Variants in CELSR2 observed in about 807,000 individuals in gnomAD.
The protein encoded by CELSR2 is cadherin EGF LAG seven-pass G-type receptor 2.
Under a neutral mutation model 251.6 loss-of-function variants are expected in CELSR2, and 81 were observed. The observed-to-expected ratio is 0.32, with a 90% CI of 0.27 to 0.39. The LOEUF is 0.39. Ranked by LOEUF, CELSR2 falls within the 10% of genes least tolerant of loss-of-function variation. CELSR2 has a pLI of 1.00. For missense variants in CELSR2, 3,365 were observed against 3,947.7 expected, an observed-to-expected ratio of 0.85 and a Z score of 3.96; for synonymous variants, 1,721 against 1,670.5, an observed-to-expected ratio of 1.03 and a Z score of -0.74.
rs1433176530 is a variant in CELSR2, at chr1:109,249,862, G to A, written c.-218G>A. On this transcript the variant is annotated 5_prime_UTR_variant, in exon 1 of 34. Transcript: ENST00000271332. ...AGCCCGCGGTGCTCAGGGTGACCCG[G>A]GAGCGGGTCTGGCTCAGGGGGCAGT... Among the ~76,000 whole-genome samples the A allele has an allele frequency of 1.3e-5, 2 of 150,204 alleles. No individual in the cohort carries two copies. Among genetic ancestry groups the A allele is most frequent in the African/African-American group, 4.8e-5 (2 of 41,260 alleles).
chr1:109,272,258 C>A lies in CELSR2; in HGVS notation c.7927-20C>A. ...AGCCATCCCACTCCCCACTTACTGA[C>A]CTCTCTGTTCCCTGCCTAGTCCTAC... On this transcript the variant is annotated intron_variant, in intron 28 of 33. Coordinates refer to ENST00000271332, the MANE Select transcript of CELSR2 (RefSeq NM_001408.3). The A allele has an allele frequency of 3.9e-6, 6 of 1,551,226 alleles. No homozygotes were observed. Among genetic ancestry groups the A allele is most frequent in the Non-Finnish European group, 5.2e-6 (6 of 1,145,602 alleles).
At chr1:109,262,518 G>A in intron 6 of CELSR2, 74 bp downstream of exon 6, 2 of 1,557,208 alleles carry the variant, frequency 1.3e-6, no homozygotes, top group Admixed American at 1.8e-5. Context: ...TGGAGAGGGT[G>A]GGCTTTTGGG....
rs766451337 is a variant in CELSR2 at position 109,262,860 on chromosome 1, G to A, written c.4599G>A (p.Glu1533=). 1 of 1,613,678 alleles carries A rather than the reference G, an allele frequency of 6.2e-7. No homozygotes were observed. Among genetic ancestry groups the A allele is most frequent in the African/African-American group, 1.3e-5 (1 of 74,956 alleles). ...LLLGGVPDLP[E]SFPVRMRQFV... ...TAGGCGGGGTGCCTGACCTGCCCGA[G>A]AGCTTCCCAGTCCGAATGCGGCAGT... The change falls in exon 7 of 34, where the codon GAG becomes GAA. Residue 1533 remains glutamate (E), a synonymous_variant. Coordinates refer to ENST00000271332, the MANE Select transcript of CELSR2 (RefSeq NM_001408.3).
At chr1:109,271,761 G>A (rs1398792621) in intron 28 of CELSR2, 39 bp downstream of exon 28, 1 of 1,606,224 alleles carries the variant, frequency 6.2e-7, no homozygotes, top group Non-Finnish European at 8.5e-7. Flanking sequence ...GGTGAAGGGA[G>A]GGAGAGGCAG....
chr1:109,266,293 C>G, intron 15 of CELSR2, 87 bp downstream of exon 15: 1 of 1,504,366 alleles, frequency 6.6e-7, no homozygotes, highest in South Asian at 1.2e-5. Flanking sequence ...GCTGAAGATC[C>G]GGGGACCCCA....
At chr1:109,270,336 C>G (rs1422507605) in intron 23 of CELSR2, 90 bp from the exon 24 acceptor site, 34 of 1,463,484 alleles carry the variant, frequency 2.3e-5, no homozygotes, top group African/African-American at 4.2e-5. Flanking sequence ...CAGTTCCCAA[C>G]ACCCAGGCCC....
Position 109,258,984 on chromosome 1 carries a change from A to C in CELSR2, c.3863A>C (p.Glu1288Ala). ...TTCACGGGTGACTACTGCGAGACCGAGGTGGACCTCTGCTACTCGCGGCCC... is the reference window on the plus strand; with the variant it reads ...TTCACGGGTGACTACTGCGAGACCGCGGTGGACCTCTGCTACTCGCGGCCC... ...PGFTGDYCET[E>A]VDLCYSRPCG... The change falls in exon 2 of 34, where the codon GAG becomes GCG. Residue 1288 changes from glutamate to alanine, a missense_variant. Coordinates refer to ENST00000271332, the MANE Select transcript of CELSR2 (RefSeq NM_001408.3). 6.2e-7 allele frequency: 1 copy of C among 1,609,002 alleles called. No homozygotes were observed. Among genetic ancestry groups the C allele is most frequent in the Non-Finnish European group, 8.5e-7 (1 of 1,179,472 alleles).
At position 109,269,089 on chromosome 1, in the gene CELSR2, T is replaced by C. The variant is rs1435732778; in HGVS notation, c.6632-21T>C. On this transcript the variant is annotated intron_variant, in intron 19 of 33. Coordinates refer to ENST00000271332, the MANE Select transcript of CELSR2 (RefSeq NM_001408.3). The surrounding 1 kb of genome is among the most constrained non-coding windows in gnomAD (Gnocchi z 6.4). ...CCACAGAGAGCAGGGCCCAGCTAAG[T>C]GTGACAGTGTCCCCTCCCAGAGACG... is the stretch of plus-strand genomic sequence containing the variant. 6.3e-7 allele frequency: 1 copy of C among 1,598,048 alleles called. No individual in the cohort carries two copies. The highest frequency in any genetic ancestry group is 1.3e-5 in the African/African-American group (1 of 74,484).
Position 109,261,808 on chromosome 1 carries a change from G to A in CELSR2, c.4298G>A (p.Gly1433Glu). ...QEQVQLTFSA[G>E]ESTTTVSPFV... ...CCAGCTCACCTGGTCCTTTCCCCAG[G>A]GGAGTCAACCACCACGGTGTCCCCA... The change falls in exon 5 of 34, where the codon GGG becomes GAG. Residue 1433 changes from glycine (G) to glutamate (E), a missense_variant and splice_region_variant. Physicochemically the swap from Gly to Glu is moderately conservative, Grantham distance 98. Coordinates refer to ENST00000271332, the MANE Select transcript of CELSR2 (RefSeq NM_001408.3). The surrounding 1 kb of genome is among the most constrained non-coding windows in gnomAD (Gnocchi z 4.8). The A allele has an allele frequency of 6.3e-7, 1 of 1,590,038 alleles. No individual in the cohort carries two copies. Among genetic ancestry groups the A allele is most frequent in the Non-Finnish European group, 8.6e-7 (1 of 1,166,674 alleles).
rs1177282734 is a variant in CELSR2 at position 109,272,745 on chromosome 1, C to G, written c.8143+17C>G. Reference sequence around the variant, plus strand: ...AGCAGCATGGTGAGGACAGAACGCTCTGGCCACCCAGCAGGGCAGTTGGCT... The same window carrying G: ...AGCAGCATGGTGAGGACAGAACGCTGTGGCCACCCAGCAGGGCAGTTGGCT... On this transcript the variant is annotated intron_variant, in intron 30 of 33. Transcript: ENST00000271332. The G allele has an allele frequency of 6.2e-7, 1 of 1,613,736 alleles. No homozygotes were observed.
At position 109,253,131 on chromosome 1, in the gene CELSR2, G is replaced by A; in HGVS notation, c.3052G>A (p.Asp1018Asn). ...CCACGTCCGCCTCCTTGACCGCAAT[G>A]ACAACCCACCAGTGCTGGGCAACTT... ...TVHVRLLDRN[D>N]NPPVLGNFEI... The change falls in exon 1 of 34, where the codon GAC (aspartate) becomes AAC (asparagine). Residue 1018 changes from aspartate to asparagine, a missense_variant. Physicochemically the swap from Asp to Asn is conservative, Grantham distance 23. This residue lies in a region of CELSR2 where 505 missense variants were observed against 660.0 expected (regional missense o/e 0.77). Coordinates refer to ENST00000271332, the MANE Select transcript of CELSR2 (RefSeq NM_001408.3). 1 of 1,613,814 alleles carries A rather than the reference G, an allele frequency of 6.2e-7. No homozygotes were observed. Among genetic ancestry groups the A allele is most frequent in the Non-Finnish European group, 8.5e-7 (1 of 1,180,044 alleles).
chr1:109,262,951 A>C lies in CELSR2; in HGVS notation c.4690A>C (p.Asn1564His), dbSNP rs762773328. ...RHIDMADFIA[N>H]NGTVPGCPAK... The stretch of plus-strand genomic sequence containing the variant: ...CATAGACATGGCTGACTTCATTGCC[A>C]ACAATGGCACCGTGCCTGGTATGGG... Residue 1564 changes from asparagine (N) to histidine (H), a missense_variant, in exon 7 of 34, where the codon AAC becomes CAC. Physicochemically the swap from Asn to His is moderately conservative, Grantham distance 68. This residue lies in a region of CELSR2 where 2,093 missense variants were observed against 2,382.8 expected (regional missense o/e 0.88). Transcript: ENST00000271332. 8 of 1,613,560 alleles carry C rather than the reference A, an allele frequency of 5.0e-6. No individual in the cohort carries two copies. The South Asian group carries it at 8.8e-5, about 18-fold the overall frequency.
chr1:109,263,148 C>A lies in CELSR2; in HGVS notation c.4715C>A (p.Pro1572His). 1 of 1,597,264 alleles carries A rather than the reference C, an allele frequency of 6.3e-7. No homozygotes were observed. The highest frequency in any genetic ancestry group is 1.1e-5 in the South Asian group (1 of 90,622). The change falls in exon 8 of 34, where the codon CCT (proline) becomes CAT (histidine). Residue 1572 changes from proline to histidine, a missense_variant. By Grantham distance (77) the Pro-to-His change is moderately conservative. This residue lies in a region of CELSR2 where 2,093 missense variants were observed against 2,382.8 expected (regional missense o/e 0.88). Transcript: ENST00000271332. Reference sequence around the variant, plus strand: ...TGCCTTCTCTCCATTCCAGGCTGCCCTGCCAAGAAGAACGTGTGTGACAGC... The same window carrying A: ...TGCCTTCTCTCCATTCCAGGCTGCCATGCCAAGAAGAACGTGTGTGACAGC... ...IANNGTVPGCPAKKNVCDSNT... is the reference protein window; with the variant it reads ...IANNGTVPGCHAKKNVCDSNT...
Position 109,251,012 on chromosome 1 carries a change from C to G in CELSR2, c.933C>G (p.Val311=). The G allele has an allele frequency of 6.2e-7, 1 of 1,613,482 alleles. No individual in the cohort carries two copies. Among genetic ancestry groups the G allele is most frequent in the South Asian group, 1.1e-5 (1 of 91,074 alleles). ...AGGTTGGCTATGAGGTGCTCACTGT[C>G]AGGGCCACGGATGGTGATGCCCCTC... is the stretch of plus-strand genomic sequence containing the variant. ...NLEVGYEVLT[V]RATDGDAPPN... The change falls in exon 1 of 34, where the codon GTC becomes GTG. Residue 311 remains valine, a synonymous_variant. Coordinates refer to ENST00000271332, the MANE Select transcript of CELSR2 (RefSeq NM_001408.3). The surrounding 1 kb of genome is among the most constrained non-coding windows in gnomAD (Gnocchi z 4.9).
At position 109,250,560 on chromosome 1, in the gene CELSR2, A is replaced by C. The variant is rs113409073; in HGVS notation, c.481A>C (p.Arg161=). ...GGCCCCCGGGCTCAGGGCAGGGGAA[A>C]GGTCACCAGAAGAGTCCCTGGGTGG... is the stretch of plus-strand genomic sequence containing the variant. The part of the protein sequence containing the change: ...AQAPGLRAGE[R]SPEESLGGRR... Residue 161 remains arginine, a synonymous_variant, in exon 1 of 34, where the codon AGG becomes CGG. Coordinates refer to ENST00000271332, the MANE Select transcript of CELSR2 (RefSeq NM_001408.3). The surrounding 1 kb of genome is among the most constrained non-coding windows in gnomAD (Gnocchi z 4.4). 2.0e-3 allele frequency: 3,187 copies of C among 1,614,018 alleles called. 49 individuals are homozygous for C. The African/African-American group carries it at 0.039, about 20-fold the overall frequency.
chr1:109,264,264 C>G lies in CELSR2; in HGVS notation c.5188C>G (p.Leu1730Val). The change falls in exon 10 of 34, where the codon CTG (leucine) becomes GTG (valine). Residue 1730 changes from leucine to valine, a missense_variant. Leu to Val is a conservative substitution (Grantham distance 32). Around this residue, in one of 5 missense-constraint regions of CELSR2, gnomAD observed 2,093 missense variants for 2,382.8 expected, o/e 0.88. Transcript: ENST00000271332. ...DYGQQRAEGNLGPRLHGLHLS... is the reference protein window; with the variant it reads ...DYGQQRAEGNVGPRLHGLHLS... ...TGGGCAGCAGAGAGCAGAGGGCAACCTGGGCCCCCGGCTGCATGGTCTGCA... is the reference window on the plus strand; with the variant it reads ...TGGGCAGCAGAGAGCAGAGGGCAACGTGGGCCCCCGGCTGCATGGTCTGCA... 1 of 1,614,008 alleles carries G rather than the reference C, an allele frequency of 6.2e-7. No individual in the cohort carries two copies. Among genetic ancestry groups the G allele is most frequent in the Non-Finnish European group, 8.5e-7 (1 of 1,180,026 alleles).
At chr1:109,264,826 G>T in intron 11 of CELSR2, 42 bp from the exon 12 acceptor site, 3 of 1,613,320 alleles carry the variant, frequency 1.9e-6, no homozygotes, top group African/African-American at 2.7e-5. Context: ...TGGTGCCAGG[G>T]GAGGGTGGGG....
At chr1:109,258,360 G>C (rs530898579) in intron 1 of CELSR2, 72 bp from the exon 2 acceptor site, 3 of 1,102,166 alleles carry the variant, frequency 2.7e-6, no homozygotes, top group East Asian at 5.2e-5. Context: ...AGCCTTTCTT[G>C]GTGGGTGGTG....
rs374694675 is a variant in CELSR2 at position 109,250,365 on chromosome 1, G to A, written c.286G>A (p.Glu96Lys). 82 of 1,613,506 alleles carry A rather than the reference G, an allele frequency of 5.1e-5. No homozygotes were observed. The Admixed American group carries it at 5.5e-4, about 11-fold the overall frequency. ...HHDGLRVWCPESEAHIPLPPA... is the reference protein window; with the variant it reads ...HHDGLRVWCPKSEAHIPLPPA... The stretch of plus-strand genomic sequence containing the variant: ...CGATGGCCTGAGGGTTTGGTGTCCA[G>A]AATCCGAGGCCCATATTCCCCTACC... Residue 96 changes from glutamate to lysine, a missense_variant, in exon 1 of 34, where the codon GAA (glutamate) becomes AAA (lysine). Coordinates refer to ENST00000271332, the MANE Select transcript of CELSR2 (RefSeq NM_001408.3). This position sits in a 1 kb window ranked among gnomAD's most constrained non-coding sequence, Gnocchi z 4.4.
Sources: allele counts gnomAD v4.1 joint callset (sites outside exome capture counted in the v4.1 genomes callset), GRCh38; gene constraint gnomAD v4.1.1; regional missense constraint gnomAD v4.1.1; non-coding constraint Gnocchi (gnomAD v3.1); transcripts MANE v1.5; gene names NCBI Gene and HGNC (gene_info 2026-07-23, HGNC 2026-07-21).